Variants in PHACTR2 observed in about 807,000 individuals in gnomAD.
The protein encoded by PHACTR2 is chromosome 6 open reading frame 56.
In PHACTR2, 30 loss-of-function variants were observed where a neutral mutation model predicts 76.0. That is an observed-to-expected ratio of 0.39 (90% CI 0.30 to 0.54). The LOEUF (loss-of-function observed/expected upper bound fraction) is 0.54. Ranked by LOEUF, PHACTR2 falls within the 20% of genes least tolerant of loss-of-function variation. PHACTR2 has a pLI of 0.61. For synonymous variants in PHACTR2, 292 were observed against 292.5 expected (o/e 1.00, Z 0.02); for missense variants, 696 against 781.1 (o/e 0.89, Z 1.30).
rs769701037 is a variant in PHACTR2 at position 143,672,202 on chromosome 6, T to G, written c.14-39814T>G. Among the ~76,000 whole-genome samples, 2 of 152,122 alleles carry G rather than the reference T, an allele frequency of 1.3e-5. No individual in the cohort carries two copies. The highest frequency in any genetic ancestry group is 2.9e-5 in the Non-Finnish European group (2 of 68,018). On this transcript the variant is annotated intron_variant, in intron 1 of 11. Transcript: ENST00000305766. The surrounding 1 kb of genome is among the most constrained non-coding windows in gnomAD (Gnocchi z 5.8). Reference sequence around the variant, plus strand: ...ATTAAAACTTATTGAACTGTTTGCTTTAAATGGGTACATTTTAGGGTCCAT... The same window carrying G: ...ATTAAAACTTATTGAACTGTTTGCTGTAAATGGGTACATTTTAGGGTCCAT...
chr6:143,717,042 G>T (rs1322384887), intron 2 of PHACTR2, among the ~76,000 whole-genome samples: 1 of 152,174 alleles, frequency 6.6e-6, no homozygotes, highest in Non-Finnish European at 1.5e-5. Flanking sequence ...TGCTTCTTCA[G>T]TGAAACCCAG....
intron 7 of PHACTR2, among the ~76,000 whole-genome samples, chr6:143,773,277 A>G (rs77297840): frequency 0.032 from 4,800 of 152,262 alleles, 135 homozygotes; most frequent in South Asian, 0.12. Context: ...TACTTCCACA[A>G]TAAGTAAGAT....
At position 143,654,248 on chromosome 6, in the gene PHACTR2, T is replaced by G. The variant is rs1213918576; in HGVS notation, c.13+45926T>G. Among the ~76,000 whole-genome samples, 1 of 152,118 alleles carries G rather than the reference T, an allele frequency of 6.6e-6. No individual in the cohort carries two copies. The highest frequency in any genetic ancestry group is 6.5e-5 in the Admixed American group (1 of 15,272). ...ATTTGGAGAAATTGATGGTGGAAAT[T>G]TAAAATGATATAGTCACTTTAGAAA... On this transcript the variant is annotated intron_variant, in intron 1 of 11. Coordinates refer to the PHACTR2 transcript ENST00000305766. The surrounding 1 kb of genome is among the most constrained non-coding windows in gnomAD (Gnocchi z 4.6).
intron 1 of PHACTR2, among the ~76,000 whole-genome samples, chr6:143,569,912 G>C (rs764863126): frequency 4.1e-4 from 63 of 152,186 alleles, no homozygotes; most frequent in Non-Finnish European, 8.2e-4. Flanking sequence ...AAGTTATATG[G>C]TGGAATGTCT....
At position 143,697,843 on chromosome 6, in the gene PHACTR2, TA is replaced by T. The variant is rs1237470622; in HGVS notation, c.47-14172del. ...ACCTTTTTGTGGCCTAAGTACAGTA[TA>T]GGGGCACCACCAGGAATAAAATCAA... On this transcript the variant is annotated intron_variant, in intron 1 of 12. Transcript: ENST00000440869. The surrounding 1 kb of genome is among the most constrained non-coding windows in gnomAD (Gnocchi z 4.4). 1.3e-5 allele frequency among the ~76,000 whole-genome samples: 2 copies of T among 151,682 alleles called. No homozygotes were observed. The highest frequency in any genetic ancestry group is 4.9e-5 in the African/African-American group (2 of 40,960).
rs1778855244 is a variant in PHACTR2 at position 143,737,894 on chromosome 6, A to G, written c.215-11091A>G. 2.0e-5 allele frequency among the ~76,000 whole-genome samples: 3 copies of G among 152,206 alleles called. No homozygotes were observed. The South Asian group carries it at 6.2e-4, about 31-fold the overall frequency. ...CTGTTGTGTAGGCAAGATGGTAGGT[A>G]GTGGACAGAATGTGAAGAATGCTCC... is the stretch of plus-strand genomic sequence containing the variant. On this transcript the variant is annotated intron_variant, in intron 2 of 12. Coordinates refer to ENST00000440869, the MANE Select transcript of PHACTR2 (RefSeq NM_001100164.2).
intron 1 of PHACTR2, among the ~76,000 whole-genome samples, chr6:143,573,594 G>A (rs1389653412): frequency 9.0e-6 from 1 of 111,210 alleles, no homozygotes; most frequent in East Asian, 2.3e-4. Context: ...TTTTTTCTAA[G>A]TATTTTTGAT....
At chr6:143,747,718 C>T (rs1370385845) in intron 2 of PHACTR2, among the ~76,000 whole-genome samples, 1 of 152,192 alleles carries the variant, frequency 6.6e-6, no homozygotes, top group East Asian at 1.9e-4. Flanking sequence ...TCTGGCCCTT[C>T]GCTGCTGTAT....
rs564992362 is a variant in PHACTR2 at position 143,650,354 on chromosome 6, G to A, written c.13+42032G>A. ...GAAAAATCTATGTTAAAATTCATGTGGAACCAAAAAAGAGCCCAAATAGCC... is the reference window on the plus strand; with the variant it reads ...GAAAAATCTATGTTAAAATTCATGTAGAACCAAAAAAGAGCCCAAATAGCC... On this transcript the variant is annotated intron_variant, in intron 1 of 11. Coordinates refer to the PHACTR2 transcript ENST00000305766. Among the ~76,000 whole-genome samples the A allele has an allele frequency of 9.2e-5, 14 of 152,112 alleles. No individual in the cohort carries two copies. In the South Asian group the frequency reaches 2.1e-3, roughly 23 times the overall value.
chr6:143,653,858 CAAT>C lies in PHACTR2; in HGVS notation c.13+45543_13+45545del, dbSNP rs942552419. Among the ~76,000 whole-genome samples, 1 of 151,922 alleles carries C rather than the reference CAAT, an allele frequency of 6.6e-6. No individual in the cohort carries two copies. Among genetic ancestry groups the C allele is most frequent in the Non-Finnish European group, 1.5e-5 (1 of 67,950 alleles). ...CTAAAAGCACGAAAAACAAAAGAAA[CAAT>C]AATAATTTGGACATCATCAAACTAA... is the stretch of plus-strand genomic sequence containing the variant. On this transcript the variant is annotated intron_variant, in intron 1 of 11. Transcript: ENST00000305766. This position sits in a 1 kb window ranked among gnomAD's most constrained non-coding sequence, Gnocchi z 4.9.
chr6:143,573,343 C>T (rs1004543532), intron 1 of PHACTR2, among the ~76,000 whole-genome samples: 1 of 152,170 alleles, frequency 6.6e-6, no homozygotes, highest in Non-Finnish European at 1.5e-5. Flanking sequence ...CCAATTCAGG[C>T]CATCGAGATG....
chr6:143,669,833 G>A (rs1777115093), intron 1 of PHACTR2, among the ~76,000 whole-genome samples: 2 of 152,002 alleles, frequency 1.3e-5, no homozygotes, highest in Admixed American at 1.3e-4. Flanking sequence ...TTTAATTGGG[G>A]CATTTAGTCT....
intron 2 of PHACTR2, among the ~76,000 whole-genome samples, chr6:143,729,444 C>CCTA (rs1778653542): frequency 6.6e-6 from 1 of 152,030 alleles, no homozygotes; most frequent in Non-Finnish European, 1.5e-5. Context: ...CCTATGTTTT[C>CCTA]TTCTAAATGT....
chr6:143,545,194 C>T (rs920048661), intron 1 of PHACTR2, among the ~76,000 whole-genome samples: 4 of 152,164 alleles, frequency 2.6e-5, no homozygotes, highest in Non-Finnish European at 4.4e-5. Context: ...AGCCACCCAC[C>T]TAGGCCTCCC....
chr6:143,797,055 A>G (rs1775844045), intron 11 of PHACTR2, among the ~76,000 whole-genome samples: 1 of 152,158 alleles, frequency 6.6e-6, no homozygotes, highest in South Asian at 2.1e-4. Context: ...ATTTCTCCAC[A>G]TCCTCTCCAG....
intron 1 of PHACTR2, among the ~76,000 whole-genome samples, chr6:143,701,666 C>T (rs959235671): frequency 6.6e-6 from 1 of 152,214 alleles, no homozygotes; most frequent in African/African-American, 2.4e-5. Flanking sequence ...TGCTTACCAG[C>T]TGTGGGATCT....
In PHACTR2 at chr6:143,700,635, A is replaced by G. The variant is rs1381189096; in HGVS notation, c.47-11381A>G. 1.3e-5 allele frequency among the ~76,000 whole-genome samples: 2 copies of G among 152,266 alleles called. No homozygotes were observed. The highest frequency in any genetic ancestry group is 4.8e-5 in the African/African-American group (2 of 41,474). ...ATTTCACAAATTATATATAAGGTCTACCAGCTTCTCCCCTAAAGTTCTGTG... is the reference window on the plus strand; with the variant it reads ...ATTTCACAAATTATATATAAGGTCTGCCAGCTTCTCCCCTAAAGTTCTGTG... On this transcript the variant is annotated intron_variant, in intron 1 of 12. Coordinates refer to ENST00000440869, the MANE Select transcript of PHACTR2 (RefSeq NM_001100164.2). The surrounding 1 kb of genome is among the most constrained non-coding windows in gnomAD (Gnocchi z 4.1).
At chr6:143,588,645 T>C (rs1048001025) in intron 1 of PHACTR2, among the ~76,000 whole-genome samples, 1 of 151,954 alleles carries the variant, frequency 6.6e-6, no homozygotes, top group African/African-American at 2.4e-5. Context: ...AAAACAAATA[T>C]ATGAGGATCA....
rs1775228710 is a variant in PHACTR2, at chr6:143,774,526, CA to C, written c.1589+312del. ...CAGCTACTCAACTGCGCTGCTGTAG[CA>C]TAAAAGCAGCCATAAATAATAGATA... On this transcript the variant is annotated intron_variant, in intron 8 of 12. Coordinates refer to ENST00000440869, the MANE Select transcript of PHACTR2 (RefSeq NM_001100164.2). The surrounding 1 kb of genome is among the most constrained non-coding windows in gnomAD (Gnocchi z 5.4). Among the ~76,000 whole-genome samples the C allele has an allele frequency of 2.0e-5, 3 of 152,202 alleles. No homozygotes were observed. Among genetic ancestry groups the C allele is most frequent in the Admixed American group, 2.0e-4 (3 of 15,284 alleles).
Sources: gnomAD v4.1 joint callset for allele counts (sites outside exome capture counted in the v4.1 genomes callset) on GRCh38, gnomAD v4.1.1 for gene constraint, Gnocchi (gnomAD v3.1) non-coding constraint, MANE v1.5 for transcripts, NCBI Gene and HGNC (gene_info 2026-07-23, HGNC 2026-07-21) for gene names.